The following DFFB variants were observed in gnomAD, a reference collection of about 807,000 sequenced individuals.
DFFB encodes the protein DNA fragmentation factor subunit beta.
DFFB carries 29 observed loss-of-function variants against 32.7 expected under a neutral mutation model. The ratio of observed to expected loss-of-function variants is 0.89; its 90% CI spans 0.66 to 1.21. The LOEUF is 1.21. Ranked by LOEUF, DFFB falls within the 50% of genes most tolerant of loss-of-function variation. The probability of loss-of-function intolerance (pLI) is 0.00; values close to 1 mark genes in which losing one functional copy is unlikely to be tolerated. For synonymous variants in DFFB, 170 were observed against 177.1 expected, an observed-to-expected ratio of 0.96 and a Z score of 0.32; for missense variants, 398 against 440.6, an observed-to-expected ratio of 0.90 and a Z score of 0.87.
intron 5 of DFFB, among the ~76,000 whole-genome samples, chr1:3,870,875 G>A (rs1300041851): frequency 1.3e-5 from 2 of 152,168 alleles, no homozygotes; most frequent in Non-Finnish European, 2.9e-5. Flanking sequence ...AGGGTGATGG[G>A]GGCACAGAGT....
Position 3,865,904 on chromosome 1 carries a change from G to T in DFFB, c.334G>T (p.Ala112Ser). Residue 112 changes from alanine (A) to serine (S), a missense_variant, in exon 3 of 7, where the codon GCC (alanine) becomes TCC (serine). Coordinates refer to ENST00000378209, the MANE Select transcript of DFFB (RefSeq NM_004402.4). This position sits in a 1 kb window ranked among gnomAD's most constrained non-coding sequence, Gnocchi z 4.7. ...AAQQLLCDEQ[A>S]PQRQRLLADL... ...CCAGCAGCTGCTGTGTGATGAGCAG[G>T]CCCCACAGAGGCAGAGGCTGCTGGC... The T allele has an allele frequency of 1.9e-6, 3 of 1,613,312 alleles. No homozygotes were observed. Among genetic ancestry groups the T allele is most frequent in the South Asian group, 2.2e-5 (2 of 91,028 alleles).
At chr1:3,866,021 G>T (rs751358351) in intron 3 of DFFB, 21 bp downstream of exon 3, 5 of 1,521,484 alleles carry the variant, frequency 3.3e-6, no homozygotes, top group Non-Finnish European at 3.5e-6. Context: ...GCTGCAGCTG[G>T]CAGGGGAGAG....
In DFFB at chr1:3,857,667, G is replaced by A; in HGVS notation, c.64G>A (p.Ala22Thr). 6.3e-7 allele frequency: 1 copy of A among 1,594,736 alleles called. No individual in the cohort carries two copies. The highest frequency in any genetic ancestry group is 1.1e-5 in the South Asian group (1 of 87,914). The change falls in exon 1 of 7, where the codon GCT becomes ACT. Residue 22 changes from alanine to threonine, a missense_variant. Physicochemically the swap from Ala to Thr is moderately conservative, Grantham distance 58. Transcript: ENST00000378209. Reference protein sequence around the residue: ...ALRSPRKFGVAGRSCQEVLRK... With the variant: ...ALRSPRKFGVTGRSCQEVLRK... The stretch of plus-strand genomic sequence containing the variant: ...GCGCAGCCCGAGGAAGTTCGGCGTG[G>A]CTGGCCGGAGCTGCCAGGAGGTGCT...
intron 6 of DFFB, among the ~76,000 whole-genome samples, chr1:3,875,595 C>G (rs772755963): frequency 1.3e-5 from 2 of 152,130 alleles, no homozygotes; most frequent in Non-Finnish European, 2.9e-5. Flanking sequence ...CACAGATTCT[C>G]TTTCTCTAAT....
chr1:3,864,687 C>T (rs960752420), intron 2 of DFFB, among the ~76,000 whole-genome samples: 3 of 151,792 alleles, frequency 2.0e-5, no homozygotes, highest in Admixed American at 6.6e-5. Flanking sequence ...CCCCATGTGC[C>T]GCTAATTATT....
At position 3,858,912 on chromosome 1, in the gene DFFB, C is replaced by CA. The variant is rs771301404; in HGVS notation, c.241+69dup. The CA allele has an allele frequency of 1.9e-6, 3 of 1,587,876 alleles. No homozygotes were observed. In the South Asian group the frequency reaches 3.3e-5, roughly 18 times the overall value. ...CTCCGAGGTCCTGGGGGCTTAGCTC[C>CA]AGGTGCCCATCAGGGTGGGGAAGAG... On this transcript the variant is annotated intron_variant, in intron 2 of 6. Transcript: ENST00000378209.
rs186689114 is a variant in DFFB at position 3,873,155 on chromosome 1, T to C, written c.782+583T>C. ...GACTACAGGTGCTCGCCACCATGCC[T>C]GGCTGGCTTATTTTGTGGAACCAGC... On this transcript the variant is annotated intron_variant, in intron 6 of 6. Coordinates refer to ENST00000378209, the MANE Select transcript of DFFB (RefSeq NM_004402.4). 3.4e-3 allele frequency: 839 copies of C among 243,894 alleles called. 7 individuals are homozygous for C. Among genetic ancestry groups the C allele is most frequent in the Non-Finnish European group, 5.0e-3 (623 of 125,736 alleles). The allele number at this position is 243,894 out of a possible 1,614,324, so 15.1% of individuals were successfully genotyped here.
intron 2 of DFFB, among the ~76,000 whole-genome samples, chr1:3,860,186 C>T (rs147236133): frequency 1.3e-5 from 2 of 152,270 alleles, no homozygotes; most frequent in African/African-American, 2.4e-5. Context: ...CTTTGGCTTC[C>T]CAAAGTGCTG....
intron 6 of DFFB, among the ~76,000 whole-genome samples, chr1:3,878,708 C>T (rs926351015): frequency 1.3e-5 from 2 of 152,200 alleles, no homozygotes; most frequent in Admixed American, 6.5e-5. Flanking sequence ...GGGCCGGCCT[C>T]GCTGTGACCC....
chr1:3,857,936 C>A (rs1380343280), intron 1 of DFFB, among the ~76,000 whole-genome samples: 1 of 152,168 alleles, frequency 6.6e-6, no homozygotes, highest in Non-Finnish European at 1.5e-5. Flanking sequence ...ATCACCCCTT[C>A]CCTCTTCCCA....
At chr1:3,857,778 G>T in intron 1 of DFFB, 61 bp downstream of exon 1, 1 of 1,213,136 alleles carries the variant, frequency 8.2e-7, no homozygotes. Context: ...AATAGGAGGT[G>T]CCGCTTTTCC....
At chr1:3,866,077 G>A in intron 3 of DFFB, 77 bp downstream of exon 3, 1 of 1,286,170 alleles carries the variant, frequency 7.8e-7, no homozygotes, top group East Asian at 2.5e-5. Flanking sequence ...ATTCCAAAAA[G>A]CCCCCAGTGA....
At chr1:3,879,032 T>G (rs1645283132) in intron 6 of DFFB, among the ~76,000 whole-genome samples, 1 of 152,266 alleles carries the variant, frequency 6.6e-6, no homozygotes. Flanking sequence ...TTCAGTACTT[T>G]GAAGAATAAC....
intron 6 of DFFB, 104 bp from the exon 7 acceptor site, chr1:3,883,403 A>G (rs1638230058): frequency 9.3e-7 from 1 of 1,076,246 alleles, no homozygotes; most frequent in Admixed American, 2.1e-5. Context: ...CCGTGATAGC[A>G]CTTAGGGGAA....
In DFFB at chr1:3,874,940, C is replaced by T. The variant is rs547808963; in HGVS notation, c.782+2368C>T. 9.9e-5 allele frequency among the ~76,000 whole-genome samples: 15 copies of T among 151,940 alleles called. No individual in the cohort carries two copies. In the South Asian group the frequency reaches 1.9e-3, roughly 19 times the overall value. On this transcript the variant is annotated intron_variant, in intron 6 of 6. Transcript: ENST00000378209. Reference sequence around the variant, plus strand: ...CTTTACCACACGTGTGTGGGTTTAACGTGTACATACGTGGCGGCCCACGTT... The same window carrying T: ...CTTTACCACACGTGTGTGGGTTTAATGTGTACATACGTGGCGGCCCACGTT...
chr1:3,870,939 T>C (rs1430960075), intron 5 of DFFB, among the ~76,000 whole-genome samples: 1 of 152,180 alleles, frequency 6.6e-6, no homozygotes, highest in Non-Finnish European at 1.5e-5. Flanking sequence ...TGTTCACGAA[T>C]GAGTGTGTTG....
In DFFB at chr1:3,868,042, T is replaced by C. The variant is rs903732277; in HGVS notation, c.499T>C (p.Tyr167His). The C allele has an allele frequency of 4.3e-6, 7 of 1,613,916 alleles. No individual in the cohort carries two copies. Among genetic ancestry groups the C allele is most frequent in the African/African-American group, 4.0e-5 (3 of 74,924 alleles). ...RYSCESRIRS[Y>H]LREVSSYPST... ...CAGCTGTGAGAGCCGGATCCGGAGT[T>C]ACCTGAGGGAGGTGAGCCTGAGTGA... Residue 167 changes from tyrosine to histidine, a missense_variant, in exon 4 of 7, where the codon TAC becomes CAC. Physicochemically the swap from Tyr to His is moderately conservative, Grantham distance 83. Coordinates refer to ENST00000378209, the MANE Select transcript of DFFB (RefSeq NM_004402.4).
chr1:3,858,780 C>G lies in DFFB; in HGVS notation c.177C>G (p.Tyr59Ter), dbSNP rs779628146. 3.1e-6 allele frequency: 5 copies of G among 1,614,220 alleles called. No individual in the cohort carries two copies. The Admixed American group carries it at 8.3e-5, about 27-fold the overall frequency. The change falls in exon 2 of 7, where the codon TAC (tyrosine) becomes TAG (stop). Residue 59 changes from tyrosine to a stop codon, truncating the protein, a stop_gained. Coordinates refer to ENST00000378209, the MANE Select transcript of DFFB (RefSeq NM_004402.4). LOFTEE classifies it high-confidence loss of function. ...ATGGCACGGAGCTGACGGAAGATTA[C>G]TTCCCCAGTGTTCCCGACAACGCCG... ...YEDGTELTED[Y>*]FPSVPDNAEL... is the part of the protein sequence containing the mutation.
intron 2 of DFFB, among the ~76,000 whole-genome samples, chr1:3,863,676 T>C (rs1007614653): frequency 3.3e-5 from 5 of 152,262 alleles, no homozygotes; most frequent in Admixed American, 6.5e-5. Context: ...GTACTCACCA[T>C]GAAGAGGAAT....
Sources: allele counts gnomAD v4.1 joint callset (sites outside exome capture counted in the v4.1 genomes callset), GRCh38; gene constraint gnomAD v4.1.1; non-coding constraint Gnocchi (gnomAD v3.1); transcripts MANE v1.5; gene names NCBI Gene and HGNC (gene_info 2026-07-23, HGNC 2026-07-21).